Variants in EYS observed in about 807,000 individuals in gnomAD.
The protein encoded by EYS is protein eyes shut homolog.
EYS carries 250 observed loss-of-function variants against 282.1 expected under a neutral mutation model. That is an observed-to-expected ratio of 0.89 (90% confidence interval 0.80 to 0.98). The LOEUF is 0.98. Among genes scored for constraint, EYS ranks in the 50% least tolerant of loss-of-function variants. The pLI, the probability that EYS is intolerant of heterozygous loss-of-function variation, is 0.00. For synonymous variants in EYS, 1,355 were observed against 1,282.9 expected (o/e 1.06, Z -1.20); for missense variants, 4,016 against 3,709.0 (o/e 1.08, Z -2.15).
At chr6:65,262,722 T>A (rs1275759556) in intron 12 of EYS, among the ~76,000 whole-genome samples, 2 of 152,138 alleles carry the variant, frequency 1.3e-5, no homozygotes, top group African/African-American at 4.8e-5. Flanking sequence ...CCCAATTTAT[T>A]TAAAGTACAC....
intron 35 of EYS, among the ~76,000 whole-genome samples, chr6:63,886,538 A>T (rs1773265089): frequency 6.6e-6 from 1 of 152,236 alleles, no homozygotes; most frequent in African/African-American, 2.4e-5. Context: ...AACATAGCAC[A>T]TTCTCAAAAT....
At chr6:63,987,507 T>C (rs1039098108) in intron 34 of EYS, among the ~76,000 whole-genome samples, 8 of 151,732 alleles carry the variant, frequency 5.3e-5, no homozygotes, top group Non-Finnish European at 7.4e-5. Flanking sequence ...ATAATTTAGA[T>C]GTACATAAAA....
At chr6:65,097,802 T>TAA (rs145088973) in intron 12 of EYS, among the ~76,000 whole-genome samples, 17 of 141,330 alleles carry the variant, frequency 1.2e-4, no homozygotes, top group South Asian at 6.7e-4. Flanking sequence ...TAAAATAAAA[T>TAA]AAAAAAAAAA....
intron 22 of EYS, among the ~76,000 whole-genome samples, chr6:64,752,757 T>G (rs924492774): frequency 6.6e-6 from 1 of 151,524 alleles, no homozygotes; most frequent in African/African-American, 2.4e-5. Flanking sequence ...GCAGCAAGAG[T>G]AAAGTGTTTA....
At chr6:65,539,661 A>G (rs1768090521) in intron 2 of EYS, among the ~76,000 whole-genome samples, 1 of 152,212 alleles carries the variant, frequency 6.6e-6, no homozygotes, top group Non-Finnish European at 1.5e-5. Context: ...ACATAAAACA[A>G]ATGTTTGAAA....
intron 29 of EYS, among the ~76,000 whole-genome samples, chr6:64,343,726 T>C (rs1161838681): frequency 1.3e-5 from 2 of 151,762 alleles, no homozygotes; most frequent in East Asian, 1.9e-4. Context: ...CTGAAGGAAA[T>C]AGAGACATAA....
chr6:64,675,347 A>T (rs1409596319), intron 22 of EYS, among the ~76,000 whole-genome samples: 1 of 151,820 alleles, frequency 6.6e-6, no homozygotes, highest in Non-Finnish European at 1.5e-5. Flanking sequence ...AGCAAAATAA[A>T]TCTTCCTAAA....
intron 2 of EYS, among the ~76,000 whole-genome samples, chr6:65,505,342 T>A (rs751274319): frequency 6.6e-6 from 1 of 151,914 alleles, no homozygotes; most frequent in Non-Finnish European, 1.5e-5. Context: ...ATTTTATTAA[T>A]ATTTTCAAAT....
intron 41 of EYS, among the ~76,000 whole-genome samples, chr6:63,746,242 T>C (rs1769207731): frequency 6.6e-6 from 1 of 152,344 alleles, no homozygotes; most frequent in East Asian, 1.9e-4. Context: ...GATTTGCATA[T>C]GTTGAACCAA....
chr6:64,802,388 C>G (rs1254923091), intron 22 of EYS, among the ~76,000 whole-genome samples: 1 of 152,010 alleles, frequency 6.6e-6, no homozygotes, highest in Non-Finnish European at 1.5e-5. Flanking sequence ...TAAACAGTAA[C>G]TAAACAAGGT....
intron 5 of EYS, among the ~76,000 whole-genome samples, chr6:65,451,849 G>A (rs1429940171): frequency 2.0e-5 from 3 of 151,594 alleles, no homozygotes; most frequent in East Asian, 1.9e-4. Context: ...CCAAATTAAA[G>A]TGTCTAATTT....
intron 33 of EYS, among the ~76,000 whole-genome samples, chr6:64,057,431 A>G (rs970971865): frequency 2.6e-5 from 4 of 151,678 alleles, no homozygotes; most frequent in Non-Finnish European, 4.4e-5. Flanking sequence ...TTTATTAACA[A>G]TGATGCTCTG....
intron 33 of EYS, among the ~76,000 whole-genome samples, chr6:64,017,402 T>A (rs780025583): frequency 6.6e-6 from 1 of 152,144 alleles, no homozygotes; most frequent in Non-Finnish European, 1.5e-5. Flanking sequence ...ATTACTACAA[T>A]ACGAGATTTC....
chr6:64,030,587 C>T (rs1769774587), intron 33 of EYS, among the ~76,000 whole-genome samples: 2 of 152,276 alleles, frequency 1.3e-5, no homozygotes, highest in Admixed American at 6.5e-5. Flanking sequence ...CCGGCGTTTA[C>T]AGGAAAAGCC....
At chr6:65,498,284 T>C (rs1446626656) in intron 2 of EYS, among the ~76,000 whole-genome samples, 1 of 152,012 alleles carries the variant, frequency 6.6e-6, no homozygotes, top group Non-Finnish European at 1.5e-5. Flanking sequence ...CTAGGCAATA[T>C]TGAAATACTT....
At chr6:64,383,737 A>AATG (rs1451714152) in intron 29 of EYS, among the ~76,000 whole-genome samples, 4 of 152,204 alleles carry the variant, frequency 2.6e-5, no homozygotes, top group African/African-American at 4.8e-5. Context: ...AGGACAGGGT[A>AATG]ATGATTAACT....
At chr6:65,669,772 A>AG (rs1768322718) in intron 1 of EYS, among the ~76,000 whole-genome samples, 1 of 151,956 alleles carries the variant, frequency 6.6e-6, no homozygotes, top group South Asian at 2.1e-4. Flanking sequence ...TGTGTCAAAT[A>AG]GAGTTATTAA....
chr6:65,314,666 T>A (rs1769253908), intron 11 of EYS, among the ~76,000 whole-genome samples: 2 of 150,836 alleles, frequency 1.3e-5, no homozygotes, highest in Admixed American at 1.3e-4. Context: ...TGCAGCTAGC[T>A]CTTCAGAAAT....
At chr6:64,344,205 C>T (rs1022033317) in intron 29 of EYS, among the ~76,000 whole-genome samples, 28 of 152,052 alleles carry the variant, frequency 1.8e-4, no homozygotes, top group African/African-American at 6.5e-4. Flanking sequence ...TAACTCATTT[C>T]ATGAGGCCAG....
Sources: allele counts gnomAD v4.1 joint callset (sites outside exome capture counted in the v4.1 genomes callset), GRCh38; gene constraint gnomAD v4.1.1; transcripts MANE v1.5; gene names NCBI Gene and HGNC (gene_info 2026-07-23, HGNC 2026-07-21).